The following EGR2 variants were observed in gnomAD, a reference collection of about 807,000 sequenced individuals.
EGR2 encodes the protein early growth response 2.
EGR2 carries 2 observed loss-of-function variants against 21.2 expected under a neutral mutation model. The observed-to-expected ratio is 0.09, with a 90% confidence interval of 0.04 to 0.30. The LOEUF (loss-of-function observed/expected upper bound fraction) is 0.30, where lower values mean the gene tolerates loss of function less well. Among genes scored for constraint, EGR2 ranks in the 10% least tolerant of loss-of-function variants. EGR2 has a pLI of 1.00. For synonymous variants in EGR2, 282 were observed against 258.2 expected (o/e 1.09, Z -0.88); for missense variants, 458 against 630.2 (o/e 0.73, Z 2.93).
upstream of EGR2, chr10:62,818,664 G>T: frequency 2.4e-6 from 3 of 1,238,642 alleles, no homozygotes; most frequent in Non-Finnish European, 3.1e-6. Flanking sequence ...CCGAAAGAAC[G>T]GGGGAAAGCC....
At position 62,814,191 on chromosome 10, in the gene EGR2, C is replaced by G; in HGVS notation, c.447G>C (p.Leu149=). The change falls in exon 2 of 2, where the codon CTG becomes CTC. Residue 149 remains leucine (L), a synonymous_variant. Transcript: ENST00000242480. This position sits in a 1 kb window ranked among gnomAD's most constrained non-coding sequence, Gnocchi z 4.8. ...GGGTCTGGGACATGGTGCACACACC[C>G]AGGGGTCCTGTGGCCAGTGGGTTGG... ...ASPNPLATGP[L]GVCTMSQTQP... is the part of the protein sequence containing the mutation. 6.2e-7 allele frequency: 1 copy of G among 1,614,124 alleles called. No individual in the cohort carries two copies. Among genetic ancestry groups the G allele is most frequent in the Admixed American group, 1.7e-5 (1 of 60,026 alleles).
At position 62,816,175 on chromosome 10, in the gene EGR2, A is replaced by G; in HGVS notation, c.-146T>C. On this transcript the variant is annotated 5_prime_UTR_variant, in exon 1 of 2. Coordinates refer to ENST00000242480, the MANE Select transcript of EGR2 (RefSeq NM_000399.5). ...AACAACCACCACACACACCAAGAAA[A>G]AAAAATCAACAGAAATAAAAGTAGC... 1 of 1,541,974 alleles carries G rather than the reference A, an allele frequency of 6.5e-7. No individual in the cohort carries two copies. Among genetic ancestry groups the G allele is most frequent in the Non-Finnish European group, 8.7e-7 (1 of 1,147,818 alleles).
chr10:62,813,398 T>C lies in EGR2; in HGVS notation c.1240A>G (p.Lys414Glu). 1 of 1,612,902 alleles carries C rather than the reference T, an allele frequency of 6.2e-7. No homozygotes were observed. Among genetic ancestry groups the C allele is most frequent in the Non-Finnish European group, 8.5e-7 (1 of 1,178,972 alleles). ...GRKFARSDER[K>E]RHTKIHLRQK... ...CTCAGGTGGATCTTGGTGTGGCGCT[T>C]CCTCTCATCACTCCGGGCAAACTTT... Residue 414 changes from lysine to glutamate, a missense_variant, in exon 2 of 2, where the codon AAG (lysine) becomes GAG (glutamate). Transcript: ENST00000242480. The surrounding 1 kb of genome is among the most constrained non-coding windows in gnomAD (Gnocchi z 5.7).
In EGR2 at chr10:62,814,397, G is replaced by A. The variant is rs1480734667; in HGVS notation, c.241C>T (p.Pro81Ser). 1.2e-6 allele frequency: 2 copies of A among 1,614,174 alleles called. No individual in the cohort carries two copies. The highest frequency in any genetic ancestry group is 8.5e-7 in the Non-Finnish European group (1 of 1,180,028). Residue 81 changes from proline to serine, a missense_variant, in exon 2 of 2, where the codon CCC becomes TCC. Pro to Ser is a moderately conservative substitution (Grantham distance 74). Transcript: ENST00000242480. The surrounding 1 kb of genome is among the most constrained non-coding windows in gnomAD (Gnocchi z 4.8). ...GTCTGGTTTCTAGGTGCAGAGACGGGAGCAAAGCTGCTGGGATATGGGAGA... is the reference window on the plus strand; with the variant it reads ...GTCTGGTTTCTAGGTGCAGAGACGGAAGCAAAGCTGCTGGGATATGGGAGA... The part of the protein sequence containing the change: ...LDLPYPSSFA[P>S]VSAPRNQTFT...
chr10:62,818,893 GA>G (rs1564710743), upstream of EGR2, among the ~76,000 whole-genome samples: 1 of 152,084 alleles, frequency 6.6e-6, no homozygotes, highest in African/African-American at 2.4e-5. Context: ...GCGCCACCCC[GA>G]GGGGGAGCTC....
rs763556180 is a variant in EGR2, at chr10:62,812,356, C to G, written c.*851G>C. The G allele has an allele frequency of 2.6e-5, 4 of 152,738 alleles. No homozygotes were observed. Among genetic ancestry groups the G allele is most frequent in the Admixed American group, 6.5e-5 (1 of 15,284 alleles). 9.5% of individuals were successfully genotyped at this position (152,738 alleles called of 1,614,324 possible). ...TCTACATCACACAAGGCACCAAGGA[C>G]ACTTCCAACACAATTGCATGCATCC... is the stretch of plus-strand genomic sequence containing the variant. On this transcript the variant is annotated 3_prime_UTR_variant, in exon 2 of 2. Coordinates refer to ENST00000242480, the MANE Select transcript of EGR2 (RefSeq NM_000399.5).
At position 62,813,286 on chromosome 10, in the gene EGR2, C is replaced by A. The variant is rs138967272; in HGVS notation, c.1352G>T (p.Gly451Val). 929 of 1,572,584 alleles carry A rather than the reference C, an allele frequency of 5.9e-4. 16 individuals are homozygous for A. The South Asian group carries it at 9.3e-3, about 16-fold the overall frequency. Reference protein sequence around the residue: ...ASCSGGVQPGGTLCSSNSSSL... With the variant: ...ASCSGGVQPGVTLCSSNSSSL... ...GCTGCTGTTACTGCTGCACAGGGTA[C>A]CCCCAGGCTGCACGCCCCCAGAGCA... The change falls in exon 2 of 2, where the codon GGT becomes GTT. Residue 451 changes from glycine (G) to valine (V), a missense_variant. Physicochemically the swap from Gly to Val is moderately radical, Grantham distance 109 (BLOSUM62 -3). Transcript: ENST00000242480. The surrounding 1 kb of genome is among the most constrained non-coding windows in gnomAD (Gnocchi z 5.7).
At position 62,814,611 on chromosome 10, in the gene EGR2, A is replaced by G; in HGVS notation, c.170-143T>C. 1 of 823,040 alleles carries G rather than the reference A, an allele frequency of 1.2e-6. No homozygotes were observed. The highest frequency in any genetic ancestry group is 2.0e-6 in the Non-Finnish European group (1 of 495,810). 51.0% of individuals were successfully genotyped at this position (823,040 alleles called of 1,614,324 possible). A position where few individuals can be genotyped will look rare whatever the true frequency, so the allele number is the denominator to read the frequency against. On this transcript the variant is annotated intron_variant, in intron 1 of 1. Coordinates refer to ENST00000242480, the MANE Select transcript of EGR2 (RefSeq NM_000399.5). The surrounding 1 kb of genome is among the most constrained non-coding windows in gnomAD (Gnocchi z 4.8). ...GTGGCAAAGTCCAAAAGGTGGGGAA[A>G]TTGAGGCCCACAGACTGTAAGAAGA...
Position 62,815,900 on chromosome 10 carries a change from G to A in EGR2, c.130C>T (p.Leu44=), listed in dbSNP as rs2132712516. ...TSVTIFPNAE[L]GGPFDQMNGV... ...TTCATCTGGTCAAAGGGGCCTCCCA[G>A]TTCGGCATTGGGAAAGATGGTCACC... is the stretch of plus-strand genomic sequence containing the variant. The change falls in exon 1 of 2, where the codon CTG becomes TTG. Residue 44 remains leucine, a synonymous_variant. Transcript: ENST00000242480. The A allele has an allele frequency of 4.3e-6, 7 of 1,614,182 alleles. No homozygotes were observed. Among genetic ancestry groups the A allele is most frequent in the Non-Finnish European group, 5.9e-6 (7 of 1,179,980 alleles).
chr10:62,815,284 C>T (rs1842232200), intron 1 of EGR2, among the ~76,000 whole-genome samples: 1 of 152,216 alleles, frequency 6.6e-6, no homozygotes, highest in Admixed American at 6.5e-5. Context: ...ACCACCCACT[C>T]GCTGCCTCCG....
Position 62,814,409 on chromosome 10 carries a change from T to C in EGR2, c.229A>G (p.Ser77Gly), listed in dbSNP as rs554815622. 3.7e-5 allele frequency: 59 copies of C among 1,614,160 alleles called. No individual in the cohort carries two copies. In the South Asian group the frequency reaches 5.2e-4, roughly 14 times the overall value. Reference protein sequence around the residue: ...EKRSLDLPYPSSFAPVSAPRN... With the variant: ...EKRSLDLPYPGSFAPVSAPRN... ...GGTGCAGAGACGGGAGCAAAGCTGC[T>C]GGGATATGGGAGATCCAACGACCTC... Residue 77 changes from serine (S) to glycine (G), a missense_variant, in exon 2 of 2, where the codon AGC becomes GGC. This residue lies in a region of EGR2 where 91 missense variants were observed against 105.2 expected (regional missense o/e 0.87). Transcript: ENST00000242480. The surrounding 1 kb of genome is among the most constrained non-coding windows in gnomAD (Gnocchi z 4.8).
Position 62,812,980 on chromosome 10 carries a change from C to T in EGR2, c.*227G>A, listed in dbSNP as rs1751400041. On this transcript the variant is annotated 3_prime_UTR_variant, in exon 2 of 2. Transcript: ENST00000242480. Reference sequence around the variant, plus strand: ...CACACCACCTCCTTCTGAGCCTCCCCTTTGCCTTGGGTTGATAGTCAACTC... The same window carrying T: ...CACACCACCTCCTTCTGAGCCTCCCTTTTGCCTTGGGTTGATAGTCAACTC... The T allele has an allele frequency of 2.2e-6, 1 of 445,802 alleles. No homozygotes were observed. Among genetic ancestry groups the T allele is most frequent in the South Asian group, 7.2e-5 (1 of 13,928 alleles). The allele number at this position is 445,802 out of a possible 1,614,324, so 27.6% of individuals were successfully genotyped here.
At chr10:62,818,645 G>A (rs377614367), upstream of EGR2, 82 of 1,262,016 alleles carry the variant, frequency 6.5e-5, no homozygotes, top group African/African-American at 1.1e-3. Flanking sequence ...CGCATCTCGG[G>A]CCCTGAGTCC....
upstream of EGR2, among the ~76,000 whole-genome samples, chr10:62,818,356 T>A (rs1488402512): frequency 6.6e-6 from 1 of 152,206 alleles, no homozygotes; most frequent in Admixed American, 6.5e-5. Flanking sequence ...CCAGAGCACA[T>A]TTGGGAAAGT....
rs545315660 is a variant in EGR2 at position 62,812,029 on chromosome 10, A to G, written c.*1178T>C. 2 of 152,804 alleles carry G rather than the reference A, an allele frequency of 1.3e-5. No individual in the cohort carries two copies. Among genetic ancestry groups the G allele is most frequent in the Admixed American group, 1.3e-4 (2 of 15,306 alleles). The allele number at this position is 152,804 out of a possible 1,614,324, so 9.5% of individuals were successfully genotyped here. On this transcript the variant is annotated 3_prime_UTR_variant, in exon 2 of 2. Transcript: ENST00000242480. Reference sequence around the variant, plus strand: ...AAAAGTATTTATTTACACTATAGTCACAAACCATCCATTATCTGAACTTCA... The same window carrying G: ...AAAAGTATTTATTTACACTATAGTCGCAAACCATCCATTATCTGAACTTCA...
Position 62,815,749 on chromosome 10 carries a change from G to C in EGR2, c.169+112C>G, listed in dbSNP as rs1052403934. The C allele has an allele frequency of 2.7e-5, 37 of 1,362,042 alleles. No individual in the cohort carries two copies. The Admixed American group carries it at 5.3e-4, about 20-fold the overall frequency. 84.4% of individuals were successfully genotyped at this position (1,362,042 alleles called of 1,614,324 possible). ...CCAGTCTTCAAAGCCAGTGCAGTCA[G>C]CACCGTCCACCTGGAGCCCCAATCC... On this transcript the variant is annotated intron_variant, in intron 1 of 1. Transcript: ENST00000242480.
Position 62,813,152 on chromosome 10 carries a change from TG to T in EGR2, c.*54del. On this transcript the variant is annotated 3_prime_UTR_variant, in exon 2 of 2. Coordinates refer to ENST00000242480, the MANE Select transcript of EGR2 (RefSeq NM_000399.5). The surrounding 1 kb of genome is among the most constrained non-coding windows in gnomAD (Gnocchi z 5.7). Reference sequence around the variant, plus strand: ...GGTAGTGTTTGTTGTGCAGCTCCAGTGGACAAAGGGCCTCCGGGACCTTTGG... The same window carrying T: ...GGTAGTGTTTGTTGTGCAGCTCCAGTGACAAAGGGCCTCCGGGACCTTTGG... The T allele has an allele frequency of 6.7e-7, 1 of 1,503,316 alleles. No individual in the cohort carries two copies. Among genetic ancestry groups the T allele is most frequent in the Non-Finnish European group, 8.8e-7 (1 of 1,130,780 alleles). 93.1% of individuals were successfully genotyped at this position (1,503,316 alleles called of 1,614,324 possible). A position where few individuals can be genotyped will look rare whatever the true frequency, so the allele number is the denominator to read the frequency against.
rs1842190634 is a variant in EGR2, at chr10:62,813,920, C to T, written c.718G>A (p.Gly240Ser). Residue 240 changes from glycine to serine, a missense_variant, in exon 2 of 2, where the codon GGT becomes AGT. Transcript: ENST00000242480. This position sits in a 1 kb window ranked among gnomAD's most constrained non-coding sequence, Gnocchi z 5.7. ...GGCTTACGGTCTGGGCCAGCTGTACCATGTAGGTCTCTCTGGCACTGAGAT... is the reference window on the plus strand; with the variant it reads ...GGCTTACGGTCTGGGCCAGCTGTACTATGTAGGTCTCTCTGGCACTGAGAT... ...FPSQCQRDLH[G>S]TAGPDRKPFP... is the part of the protein sequence containing the mutation. The T allele has an allele frequency of 4.3e-6, 7 of 1,614,164 alleles. No individual in the cohort carries two copies. The highest frequency in any genetic ancestry group is 1.7e-5 in the Admixed American group (1 of 60,014).
In EGR2 at chr10:62,813,762, G is replaced by A; in HGVS notation, c.876C>T (p.Pro292=). 6.2e-7 allele frequency: 1 copy of A among 1,612,376 alleles called. No homozygotes were observed. Among genetic ancestry groups the A allele is most frequent in the Non-Finnish European group, 8.5e-7 (1 of 1,179,414 alleles). ...CTGCTGAGCTGCTACCAGGCAGCCG[G>A]GGTCCCTCGCTGCCTCCACTGGCCC... ...GPGASGGSEG[P]RLPGSSSAAA... is the part of the protein sequence containing the mutation. The change falls in exon 2 of 2, where the codon CCC becomes CCT. Residue 292 remains proline (P), a synonymous_variant. Coordinates refer to ENST00000242480, the MANE Select transcript of EGR2 (RefSeq NM_000399.5). The surrounding 1 kb of genome is among the most constrained non-coding windows in gnomAD (Gnocchi z 5.7).
Sources: allele counts gnomAD v4.1 joint callset (sites outside exome capture counted in the v4.1 genomes callset), GRCh38; gene constraint gnomAD v4.1.1; regional missense constraint gnomAD v4.1.1; non-coding constraint Gnocchi (gnomAD v3.1); transcripts MANE v1.5; gene names NCBI Gene and HGNC (gene_info 2026-07-23, HGNC 2026-07-21).